RNASEH2B: variants seen among roughly 807,000 people sequenced by gnomAD.
The protein encoded by RNASEH2B is Aicardi-Goutieres syndrome 2 protein.
RNASEH2B carries 36 observed loss-of-function variants against 45.0 expected under a neutral mutation model. The observed-to-expected ratio is 0.80, with a 90% CI of 0.61 to 1.06. The LOEUF (loss-of-function observed/expected upper bound fraction) is 1.06. Among genes scored for constraint, RNASEH2B ranks in the 50% least tolerant of loss-of-function variants. The pLI is 0.00. For synonymous variants in RNASEH2B, 119 were observed against 125.7 expected, an observed-to-expected ratio of 0.95 and a Z score of 0.35; for missense variants, 361 against 360.3, an observed-to-expected ratio of 1.00 and a Z score of -0.02.
intron 9 of RNASEH2B, among the ~76,000 whole-genome samples, chr13:50,966,055 A>G (rs1217702308): frequency 6.6e-6 from 1 of 152,254 alleles, no homozygotes; most frequent in African/African-American, 2.4e-5. Flanking sequence ...TGTACAACAT[A>G]ACTGAGCTGA....
chr13:50,928,086 T>C (rs1281222230), intron 2 of RNASEH2B, among the ~76,000 whole-genome samples: 1 of 152,182 alleles, frequency 6.6e-6, no homozygotes, highest in African/African-American at 2.4e-5. Flanking sequence ...CATTTTCAGT[T>C]TTGTCTTCAC....
intron 1 of RNASEH2B, among the ~76,000 whole-genome samples, chr13:50,923,229 C>T (rs893189007): frequency 1.3e-5 from 2 of 152,032 alleles, no homozygotes; most frequent in African/African-American, 2.4e-5. Flanking sequence ...ATGGGAATCC[C>T]AGATGAGAAG....
rs377279427 is a variant in RNASEH2B at position 50,927,533 on chromosome 13, A to G, written c.136+55A>G. 4.3e-4 allele frequency: 456 copies of G among 1,060,788 alleles called. No individual in the cohort carries two copies. Among genetic ancestry groups the G allele is most frequent in the Non-Finnish European group, 5.5e-4 (373 of 675,942 alleles). 65.7% of individuals were successfully genotyped at this position (1,060,788 alleles called of 1,614,324 possible). ...CTTAAATGTTGTGGCTAATGAGTAT[A>G]TACACTTTTATGTCTTTGTGTCCTT... On this transcript the variant is annotated intron_variant, in intron 2 of 10. Transcript: ENST00000336617.
At chr13:50,954,147 A>G (rs1013988153) in intron 10 of RNASEH2B, 162 bp downstream of exon 10, 2 of 676,406 alleles carry the variant, frequency 3.0e-6, no homozygotes, top group Admixed American at 2.2e-5. Context: ...GCATATGACA[A>G]TGAAAATGTT....
intron 1 of RNASEH2B, chr13:50,911,633 G>C (rs967637263): frequency 2.0e-5 from 3 of 152,200 alleles, no homozygotes; most frequent in Admixed American, 1.3e-4. Context: ...AGTTCCCATT[G>C]CTGCACATCC....
chr13:50,928,445 A>G (rs981555112), intron 2 of RNASEH2B: 1 of 152,222 alleles, frequency 6.6e-6, no homozygotes, highest in Non-Finnish European at 1.5e-5. Flanking sequence ...TGACGTGAGA[A>G]ATATTTCTTC....
At position 50,967,529 on chromosome 13, in the gene RNASEH2B, A is replaced by G. The variant is rs542544427; in HGVS notation, c.742-2403A>G. ...ATTTCTCTTGTTTTGCAGTTGAACAAGGGAAGGTCAGCTCATTTCCCCAAC... is the reference window on the plus strand; with the variant it reads ...ATTTCTCTTGTTTTGCAGTTGAACAGGGGAAGGTCAGCTCATTTCCCCAAC... On this transcript the variant is annotated intron_variant, in intron 9 of 9. Coordinates refer to the RNASEH2B transcript ENST00000422660. Among the ~76,000 whole-genome samples, 14 of 152,320 alleles carry G rather than the reference A, an allele frequency of 9.2e-5. No individual in the cohort carries two copies. In the South Asian group the frequency reaches 2.7e-3, roughly 29 times the overall value.
At chr13:50,957,956 T>G (rs1952072182), downstream of RNASEH2B, among the ~76,000 whole-genome samples, 1 of 152,192 alleles carries the variant, frequency 6.6e-6, no homozygotes, top group Non-Finnish European at 1.5e-5. Flanking sequence ...TGGGGTTATT[T>G]GTATCTTATT....
At chr13:50,957,498 C>A (rs1462074988), downstream of RNASEH2B, among the ~76,000 whole-genome samples, 1 of 152,166 alleles carries the variant, frequency 6.6e-6, no homozygotes, top group African/African-American at 2.4e-5. Context: ...ATCCATTCCA[C>A]TGTTGATGGG....
intron 9 of RNASEH2B, among the ~76,000 whole-genome samples, chr13:50,966,619 A>C (rs1431464699): frequency 2.0e-5 from 3 of 151,894 alleles, no homozygotes; most frequent in African/African-American, 7.3e-5. Context: ...GTCATCTTTC[A>C]AGGTTTGTGC....
intron 5 of RNASEH2B, chr13:50,942,429 C>T (rs1261957423): frequency 6.6e-6 from 1 of 152,088 alleles, no homozygotes; most frequent in Non-Finnish European, 1.5e-5. Flanking sequence ...AATGCTCCCC[C>T]AATCCCCAAT....
intron 7 of RNASEH2B, among the ~76,000 whole-genome samples, chr13:50,947,467 A>G (rs1951917004): frequency 6.6e-6 from 1 of 151,438 alleles, no homozygotes; most frequent in Non-Finnish European, 1.5e-5. Flanking sequence ...GTATAGAACT[A>G]TATATATATA....
intron 9 of RNASEH2B, among the ~76,000 whole-genome samples, chr13:50,964,182 A>G (rs1011515577): frequency 6.6e-6 from 1 of 152,202 alleles, no homozygotes; most frequent in African/African-American, 2.4e-5. Flanking sequence ...CTGGGCAGTA[A>G]GAGGAAACTC....
chr13:50,966,277 T>G (rs561623397), intron 9 of RNASEH2B, among the ~76,000 whole-genome samples: 73 of 152,334 alleles, frequency 4.8e-4, no homozygotes, highest in African/African-American at 1.7e-3. Flanking sequence ...TAAATCTACA[T>G]AGCCTGTCCT....
chr13:50,926,409 T>G (rs1951596934), intron 1 of RNASEH2B, among the ~76,000 whole-genome samples: 1 of 152,178 alleles, frequency 6.6e-6, no homozygotes, highest in African/African-American at 2.4e-5. Flanking sequence ...CCCATTGTTC[T>G]TTTTGGTAAT....
At position 50,921,824 on chromosome 13, in the gene RNASEH2B, T is replaced by G. The variant is rs554210679; in HGVS notation, c.65-5583T>G. Among the ~76,000 whole-genome samples, 11 of 152,320 alleles carry G rather than the reference T, an allele frequency of 7.2e-5. No individual in the cohort carries two copies. In the East Asian group the frequency reaches 2.1e-3, roughly 29 times the overall value. On this transcript the variant is annotated intron_variant, in intron 1 of 10. Transcript: ENST00000336617. ...TGAGAAGTGTTTATTCAAGAAAATC[T>G]TCTGAATCTTATTAGGAACAGCAGG...
At chr13:50,948,672 GTTAC>G (rs535936449) in intron 8 of RNASEH2B, 297 of 152,168 alleles carry the variant, frequency 2.0e-3, no homozygotes, top group Middle Eastern at 3.4e-3. Flanking sequence ...TTGCAAAATC[GTTAC>G]TTAATTTTGT....
intron 7 of RNASEH2B, among the ~76,000 whole-genome samples, chr13:50,947,026 C>T (rs1593473925): frequency 6.6e-6 from 1 of 152,208 alleles, no homozygotes. Context: ...GGTCCCCAGA[C>T]GGCAGTCATT....
Position 50,953,930 on chromosome 13 carries a change from T to C in RNASEH2B, c.767T>C (p.Val256Ala). ...SKKIKLSDEP[V>A]EAKEDYTKFN... ...AAAATAAAGTTATCAGATGAGCCTGTAGAAGCAAAAGAAGATTACACTAAG... is the reference window on the plus strand; with the variant it reads ...AAAATAAAGTTATCAGATGAGCCTGCAGAAGCAAAAGAAGATTACACTAAG... Residue 256 changes from valine (V) to alanine (A), a missense_variant, in exon 10 of 11, where the codon GTA becomes GCA. Physicochemically the swap from Val to Ala is moderately conservative, Grantham distance 64. Transcript: ENST00000336617. 2.5e-6 allele frequency: 4 copies of C among 1,607,658 alleles called. No individual in the cohort carries two copies. Among genetic ancestry groups the C allele is most frequent in the Non-Finnish European group, 3.4e-6 (4 of 1,174,162 alleles).
Sources: gnomAD v4.1 joint callset for allele counts (sites outside exome capture counted in the v4.1 genomes callset) on GRCh38, gnomAD v4.1.1 for gene constraint, MANE v1.5 for transcripts, NCBI Gene and HGNC (gene_info 2026-07-23, HGNC 2026-07-21) for gene names.